OR1J2: variants seen among roughly 807,000 people sequenced by gnomAD.
OR1J2 encodes olfactory receptor family 1 subfamily J member 2.
For missense variants in OR1J2, 304 were observed against 246.1 expected (o/e 1.24, Z -1.57); for synonymous variants, 142 against 99.7 (o/e 1.42, Z -2.52).
At chr9:122,519,595 C>G in the OR1J2 span, 1 of 1,614,012 alleles carries the variant, frequency 6.2e-7, no homozygotes, top group Non-Finnish European at 8.5e-7. Context: ...TGGATCCTCT[C>G]CTGTACCAAT....
the OR1J2 span, among the ~76,000 whole-genome samples, chr9:122,487,818 C>T: frequency 6.6e-6 from 1 of 152,214 alleles, no homozygotes; most frequent in Non-Finnish European, 1.5e-5. Context: ...TGTGCCTTTG[C>T]CGGACACCAA....
chr9:122,554,339 T>A, the OR1J2 span: 1 of 571,652 alleles, frequency 1.7e-6, no homozygotes, highest in Non-Finnish European at 3.1e-6. Flanking sequence ...TGGAATGAGA[T>A]GTTCTGTCTC....
chr9:122,524,482 A>T, the OR1J2 span, among the ~76,000 whole-genome samples: 2 of 152,238 alleles, frequency 1.3e-5, no homozygotes, highest in African/African-American at 4.8e-5. Flanking sequence ...GATAGGCAAC[A>T]GTGTCCGTTG....
chr9:122,532,370 G>A, the OR1J2 span, among the ~76,000 whole-genome samples: 2 of 152,116 alleles, frequency 1.3e-5, no homozygotes, highest in South Asian at 2.1e-4. Flanking sequence ...TGGCGATTAG[G>A]CCTGGTGGAA....
chr9:122,547,119 T>TA, the OR1J2 span, among the ~76,000 whole-genome samples: 108,300 of 151,198 alleles, frequency 0.72, 38,956 homozygotes, highest in Middle Eastern at 0.84. Flanking sequence ...GTGAGCCACA[T>TA]AAAAAAATAA....
At chr9:122,473,585 A>G in the OR1J2 span, among the ~76,000 whole-genome samples, 1 of 152,152 alleles carries the variant, frequency 6.6e-6, no homozygotes, top group Non-Finnish European at 1.5e-5. Flanking sequence ...ATATGTCAAT[A>G]TGGGCCTCCA....
At chr9:122,451,152 CATTATTATTATTATTATTATTATTATT>C in the OR1J2 span, among the ~76,000 whole-genome samples, 64 of 137,572 alleles carry the variant, frequency 4.7e-4, 1 homozygote, top group African/African-American at 1.5e-3. Context: ...CTATCACCTG[CATTATTATTATTATTATTATTATTATT>C]ATTATTATTA....
At chr9:122,455,342 G>C in the OR1J2 span, among the ~76,000 whole-genome samples, 2 of 152,172 alleles carry the variant, frequency 1.3e-5, no homozygotes, top group African/African-American at 4.8e-5. Flanking sequence ...CAGTGTATGA[G>C]TGTTTTAATT....
chr9:122,468,659 C>T, the OR1J2 span, among the ~76,000 whole-genome samples: 3 of 152,162 alleles, frequency 2.0e-5, no homozygotes, highest in Non-Finnish European at 4.4e-5. Context: ...CCTGTGGATT[C>T]CCTCTCTGCC....
chr9:122,563,896 C>T, the OR1J2 span, among the ~76,000 whole-genome samples: 18 of 152,278 alleles, frequency 1.2e-4, no homozygotes, highest in East Asian at 3.1e-3. Context: ...ATTCTTCACA[C>T]CTTTGTCAAA....
At chr9:122,526,627 T>C in the OR1J2 span, 1 of 1,614,116 alleles carries the variant, frequency 6.2e-7, no homozygotes, top group Middle Eastern at 1.6e-4. Context: ...ACCCTCAGGA[T>C]AGCTGGCACA....
the OR1J2 span, among the ~76,000 whole-genome samples, chr9:122,538,686 A>T: frequency 2.0e-5 from 3 of 152,322 alleles, no homozygotes; most frequent in African/African-American, 7.2e-5. Context: ...GAGTGGTGAG[A>T]AAAGACATCT....
chr9:122,577,767 A>G, the OR1J2 span, among the ~76,000 whole-genome samples: 13 of 152,358 alleles, frequency 8.5e-5, no homozygotes, highest in African/African-American at 2.9e-4. Context: ...TATCCAAAGG[A>G]AACAGTTGAA....
chr9:122,527,165 G>C, the OR1J2 span: 66 of 1,614,184 alleles, frequency 4.1e-5, no homozygotes, highest in African/African-American at 4.7e-4. Flanking sequence ...TGGCCAGGAT[G>C]ATGAGCAGGT....
the OR1J2 span, among the ~76,000 whole-genome samples, chr9:122,566,684 A>G: frequency 6.6e-6 from 1 of 152,350 alleles, no homozygotes; most frequent in East Asian, 1.9e-4. Flanking sequence ...TGGAGATTAT[A>G]TATACATATA....
At chr9:122,544,764 A>G in the OR1J2 span, among the ~76,000 whole-genome samples, 1 of 152,090 alleles carries the variant, frequency 6.6e-6, no homozygotes, top group Admixed American at 6.6e-5. Context: ...CTCTTGATCC[A>G]TCTGGCTAGG....
At chr9:122,494,079 T>C in the OR1J2 span, among the ~76,000 whole-genome samples, 1 of 152,212 alleles carries the variant, frequency 6.6e-6, no homozygotes. Flanking sequence ...TTAAATTTAC[T>C]GAGACTTGTT....
chr9:122,453,904 C>A, the OR1J2 span, among the ~76,000 whole-genome samples: 8 of 152,210 alleles, frequency 5.3e-5, no homozygotes, highest in African/African-American at 1.9e-4. Context: ...AGCTGACAGT[C>A]ACAGTATGTT....
chr9:122,477,173 AATAG>A, the OR1J2 span: 284 of 1,614,218 alleles, frequency 1.8e-4, no homozygotes, highest in African/African-American at 3.0e-3. Context: ...ATTGTCCGAT[AATAG>A]ATAGTCACCA....
Sources: allele counts gnomAD v4.1 joint callset (sites outside exome capture counted in the v4.1 genomes callset), GRCh38; gene constraint gnomAD v4.1.1; transcripts MANE v1.5; gene names NCBI Gene and HGNC (gene_info 2026-07-23, HGNC 2026-07-21).